The following REL variants were observed in gnomAD, a reference collection of about 807,000 sequenced individuals.
REL encodes the protein REL proto-oncogene, NF-kB subunit.
Under a neutral mutation model 45.9 loss-of-function variants are expected in REL, and 15 were observed. The ratio of observed to expected loss-of-function variants is 0.33; its 90% CI spans 0.22 to 0.50. The LOEUF is 0.50. Ranked by LOEUF, REL falls within the 20% of genes least tolerant of loss-of-function variation. The pLI is 0.98. For missense variants in REL, 601 were observed against 715.2 expected (o/e 0.84, Z 1.82); for synonymous variants, 239 against 242.1 (o/e 0.99, Z 0.12).
chr2:60,894,787 C>T (rs1249444920), intron 3 of REL, among the ~76,000 whole-genome samples: 1 of 149,318 alleles, frequency 6.7e-6, no homozygotes, highest in East Asian at 2.0e-4. Context: ...TAAACGTAAA[C>T]TTCTTGTATA....
In REL at chr2:60,931,139, A is replaced by G. The variant is rs1373456938; in HGVS notation, c.*8604A>G. The G allele has an allele frequency of 1.3e-5, 2 of 152,288 alleles. No homozygotes were observed. Among genetic ancestry groups the G allele is most frequent in the Admixed American group, 6.6e-5 (1 of 15,266 alleles). 9.4% of individuals were successfully genotyped at this position (152,288 alleles called of 1,614,324 possible). On this transcript the variant is annotated 3_prime_UTR_variant, in exon 10 of 10. Coordinates refer to ENST00000394479, the MANE Select transcript of REL (RefSeq NM_001291746.2). ...TTTAATGAGACTTCATTGGTGATAC[A>G]CTCAATTTTTACTGGGTAATTAGCT...
intron 5 of REL, among the ~76,000 whole-genome samples, chr2:60,917,517 T>A: frequency 6.9e-6 from 1 of 145,558 alleles, no homozygotes; most frequent in South Asian, 2.1e-4. Flanking sequence ...TTCTTGTATA[T>A]TTTTTTTTAT....
At chr2:60,920,246 G>A in intron 8 of REL, 137 bp downstream of exon 8, 1 of 723,286 alleles carries the variant, frequency 1.4e-6, no homozygotes, top group Non-Finnish European at 2.3e-6. Context: ...CTGTCACCCA[G>A]GCTGGAGTGC....
At chr2:60,905,640 A>G (rs1323939588) in intron 4 of REL, among the ~76,000 whole-genome samples, 3 of 152,160 alleles carry the variant, frequency 2.0e-5, no homozygotes, top group South Asian at 2.1e-4. Flanking sequence ...AGCAGCCCCA[A>G]TTCTTGCCTC....
intron 4 of REL, among the ~76,000 whole-genome samples, chr2:60,915,880 A>T (rs569062794): frequency 6.6e-6 from 1 of 152,276 alleles, no homozygotes; most frequent in Non-Finnish European, 1.5e-5. Context: ...TTAAGTTTGC[A>T]CGTAAAATTT....
chr2:60,889,847 A>G (rs1673164293), intron 1 of REL, among the ~76,000 whole-genome samples: 1 of 152,128 alleles, frequency 6.6e-6, no homozygotes, highest in Non-Finnish European at 1.5e-5. Flanking sequence ...CCAGTCTATC[A>G]TTGTTGGACA....
intron 4 of REL, among the ~76,000 whole-genome samples, chr2:60,911,639 A>T (rs1245049660): frequency 6.6e-6 from 1 of 152,222 alleles, no homozygotes; most frequent in African/African-American, 2.4e-5. Flanking sequence ...TTTTATTATG[A>T]GATCTTAGAG....
intron 4 of REL, among the ~76,000 whole-genome samples, chr2:60,909,864 C>T (rs965174674): frequency 6.6e-6 from 1 of 152,022 alleles, no homozygotes; most frequent in Non-Finnish European, 1.5e-5. Context: ...GATGGCGCCA[C>T]TGCACTCCAG....
Position 60,918,388 on chromosome 2 carries a change from G to A in REL, c.641-6G>A. 6.3e-7 allele frequency: 1 copy of A among 1,578,892 alleles called. No homozygotes were observed. Among genetic ancestry groups the A allele is most frequent in the South Asian group, 1.1e-5 (1 of 88,260 alleles). Reference sequence around the variant, plus strand: ...ATTTTTTTTTTTTTGGTTTCTTATTGACTAGATGACATAGAAGTTCGTTTT... The same window carrying A: ...ATTTTTTTTTTTTTGGTTTCTTATTAACTAGATGACATAGAAGTTCGTTTT... On this transcript the variant is annotated splice_polypyrimidine_tract_variant and splice_region_variant and intron_variant, in intron 6 of 9. Transcript: ENST00000394479.
At position 60,926,214 on chromosome 2, in the gene REL, G is replaced by T. The variant is rs1295262182; in HGVS notation, c.*3679G>T. Reference sequence around the variant, plus strand: ...GTGATTCCTTTCTTTGTATAAACATGGTAAATGTCTTCATTAGCCTAAAAG... The same window carrying T: ...GTGATTCCTTTCTTTGTATAAACATTGTAAATGTCTTCATTAGCCTAAAAG... On this transcript the variant is annotated 3_prime_UTR_variant, in exon 10 of 10. Transcript: ENST00000394479. The T allele has an allele frequency of 2.6e-5, 6 of 230,624 alleles. No individual in the cohort carries two copies. The highest frequency in any genetic ancestry group is 1.3e-3 in the Middle Eastern group (1 of 796). 14.3% of individuals were successfully genotyped at this position (230,624 alleles called of 1,614,324 possible).
chr2:60,905,009 C>T (rs990890837), intron 4 of REL, among the ~76,000 whole-genome samples: 6 of 152,166 alleles, frequency 3.9e-5, no homozygotes, highest in Non-Finnish European at 5.9e-5. Context: ...TCTACCATGC[C>T]GCCTGGATGA....
At position 60,925,927 on chromosome 2, in the gene REL, AG is replaced by A. The variant is rs1246014912; in HGVS notation, c.*3394del. The A allele has an allele frequency of 4.4e-6, 1 of 226,196 alleles. No homozygotes were observed. Among genetic ancestry groups the A allele is most frequent in the Non-Finnish European group, 8.8e-6 (1 of 113,398 alleles). The allele number at this position is 226,196 out of a possible 1,614,324, so 14.0% of individuals were successfully genotyped here. On this transcript the variant is annotated 3_prime_UTR_variant, in exon 10 of 10. Transcript: ENST00000394479. ...TAGTTTTGCGGTGTAAGCAGAATTA[AG>A]GTTCTGCTACCTCTGTGTGTAGAAT... is the stretch of plus-strand genomic sequence containing the variant.
intron 2 of REL, among the ~76,000 whole-genome samples, chr2:60,892,880 G>A (rs922655925): frequency 1.3e-5 from 2 of 151,866 alleles, no homozygotes; most frequent in African/African-American, 2.4e-5. Context: ...TCAGCCTCCC[G>A]AGTAGCTGGG....
At chr2:60,894,366 G>A in intron 2 of REL, 31 bp from the exon 3 acceptor site, 7 of 1,350,176 alleles carry the variant, frequency 5.2e-6, no homozygotes, top group Non-Finnish European at 7.1e-6. Flanking sequence ...AGTCTATTTG[G>A]ATCATGTATT....
rs1437217711 is a variant in REL at position 60,921,831 on chromosome 2, TCCTACTATC to T, written c.1064_1072del (p.Tyr355_Pro357del). 1.9e-6 allele frequency: 3 copies of T among 1,614,092 alleles called. No homozygotes were observed. On this transcript the variant is annotated inframe_deletion, in exon 10 of 10. Coordinates refer to ENST00000394479, the MANE Select transcript of REL (RefSeq NM_001291746.2). ...TACAGGGGTTTCAAGTCAAGCAGAATCCTACTATCCCTCACCTGGGCCCATCTCAAGTGG... is the reference window on the plus strand; with the variant it reads ...TACAGGGGTTTCAAGTCAAGCAGAATCCTCACCTGGGCCCATCTCAAGTGG...
chr2:60,914,266 G>A (rs1217096282), intron 4 of REL, among the ~76,000 whole-genome samples: 5 of 152,148 alleles, frequency 3.3e-5, no homozygotes, highest in Non-Finnish European at 1.5e-5. Context: ...ATCTTGCATT[G>A]GGTAAAAACG....
chr2:60,914,659 C>T (rs1673912606), intron 4 of REL, among the ~76,000 whole-genome samples: 1 of 152,156 alleles, frequency 6.6e-6, no homozygotes, highest in Admixed American at 6.5e-5. Context: ...GCTCAGTTCC[C>T]TACCCTGCCT....
chr2:60,896,871 T>C (rs1382234412), intron 3 of REL, among the ~76,000 whole-genome samples: 1 of 152,178 alleles, frequency 6.6e-6, no homozygotes, highest in Non-Finnish European at 1.5e-5. Flanking sequence ...CTCTCCCCAA[T>C]TCAGGATCCC....
chr2:60,885,471 A>G (rs1238270921), intron 1 of REL, among the ~76,000 whole-genome samples: 2 of 152,122 alleles, frequency 1.3e-5, no homozygotes, highest in African/African-American at 2.4e-5. Flanking sequence ...CAGAATCCCT[A>G]TTGCCAGAAT....
Sources: gnomAD v4.1 joint callset for allele counts (sites outside exome capture counted in the v4.1 genomes callset) on GRCh38, gnomAD v4.1.1 for gene constraint, MANE v1.5 for transcripts, NCBI Gene and HGNC (gene_info 2026-07-23, HGNC 2026-07-21) for gene names.